The following EXOC4 variants were observed in gnomAD, a reference collection of about 807,000 sequenced individuals.
EXOC4 encodes the protein SEC8-like 1.
EXOC4 carries 71 observed loss-of-function variants against 107.2 expected under a neutral mutation model. The observed-to-expected ratio is 0.66, with a 90% CI of 0.55 to 0.81. The LOEUF (loss-of-function observed/expected upper bound fraction) is 0.81, where lower values mean the gene tolerates loss of function less well. Among genes scored for constraint, EXOC4 ranks in the 30% least tolerant of loss-of-function variants. The probability of loss-of-function intolerance (pLI) is 0.00; values close to 1 mark genes in which losing one functional copy is unlikely to be tolerated. For synonymous variants in EXOC4, 456 were observed against 441.2 expected, an observed-to-expected ratio of 1.03 and a Z score of -0.42; for missense variants, 1,108 against 1,189.6, an observed-to-expected ratio of 0.93 and a Z score of 1.01.
At chr7:134,017,161 C>T (rs1258075615) in intron 17 of EXOC4, among the ~76,000 whole-genome samples, 1 of 152,174 alleles carries the variant, frequency 6.6e-6, no homozygotes, top group Non-Finnish European at 1.5e-5. Context: ...TCTAGGGGCA[C>T]CTATCCTTTT....
At chr7:133,286,765 A>T (rs534377582) in intron 2 of EXOC4, among the ~76,000 whole-genome samples, 7 of 152,354 alleles carry the variant, frequency 4.6e-5, no homozygotes, top group Middle Eastern at 3.4e-3. Context: ...CCGAGGGTCC[A>T]TGGGGGCTTT....
chr7:133,318,685 ATATAT>A (rs1338619313), intron 5 of EXOC4, among the ~76,000 whole-genome samples: 1 of 152,192 alleles, frequency 6.6e-6, no homozygotes, highest in Non-Finnish European at 1.5e-5. Context: ...TGAGAGCTTA[ATATAT>A]TGTTGGGGCA....
intron 11 of EXOC4, among the ~76,000 whole-genome samples, chr7:133,850,746 A>G (rs1389648615): frequency 6.6e-6 from 1 of 152,088 alleles, no homozygotes; most frequent in Non-Finnish European, 1.5e-5. Flanking sequence ...CCATTCCAAA[A>G]GTCATTCCAC....
chr7:133,755,243 AAT>A (rs796906792), intron 10 of EXOC4, among the ~76,000 whole-genome samples: 141 of 91,066 alleles, frequency 1.5e-3, no homozygotes, highest in South Asian at 0.011. Context: ...TAATATATAT[AAT>A]ATATATATTA....
intron 10 of EXOC4, among the ~76,000 whole-genome samples, chr7:133,721,093 T>G (rs1795096209): frequency 6.6e-6 from 1 of 152,176 alleles, no homozygotes; most frequent in South Asian, 2.1e-4. Flanking sequence ...GAGAACTCAT[T>G]CTTCCCATCA....
intron 10 of EXOC4, among the ~76,000 whole-genome samples, chr7:133,791,839 G>T (rs1172363165): frequency 6.6e-6 from 1 of 152,138 alleles, no homozygotes; most frequent in African/African-American, 2.4e-5. Flanking sequence ...ACCTTTATGA[G>T]TGAAAATGCT....
intron 5 of EXOC4, among the ~76,000 whole-genome samples, chr7:133,354,157 A>G (rs1213010305): frequency 6.6e-6 from 1 of 150,490 alleles, no homozygotes; most frequent in Non-Finnish European, 1.5e-5. Flanking sequence ...CTGTTGATTT[A>G]TTTTTTTTCC....
intron 9 of EXOC4, among the ~76,000 whole-genome samples, chr7:133,542,250 T>G (rs1800395493): frequency 6.6e-6 from 1 of 151,468 alleles, no homozygotes; most frequent in Admixed American, 6.6e-5. Context: ...ATTTTTATGT[T>G]TAGGTTCAAC....
intron 11 of EXOC4, among the ~76,000 whole-genome samples, chr7:133,849,836 A>G (rs1798205754): frequency 6.6e-6 from 1 of 152,254 alleles, no homozygotes; most frequent in Non-Finnish European, 1.5e-5. Flanking sequence ...AATTAATACA[A>G]CTTAAAACAA....
At chr7:133,472,363 CATT>C (rs1019666207) in intron 7 of EXOC4, among the ~76,000 whole-genome samples, 1 of 152,104 alleles carries the variant, frequency 6.6e-6, no homozygotes, top group African/African-American at 2.4e-5. Context: ...GAGGAACAGT[CATT>C]AATGATCTTG....
At chr7:133,629,999 A>G (rs763498771) in intron 9 of EXOC4, 46 bp from the exon 10 acceptor site, 25 of 1,409,650 alleles carry the variant, frequency 1.8e-5, no homozygotes, top group Middle Eastern at 3.5e-4. Flanking sequence ...GTTTATTTAT[A>G]AAAGTTTCAA....
chr7:133,307,431 TC>T (rs1378616634), intron 4 of EXOC4, among the ~76,000 whole-genome samples: 1 of 152,138 alleles, frequency 6.6e-6, no homozygotes, highest in Non-Finnish European at 1.5e-5. Context: ...AGAGATTTCT[TC>T]CCATACAAGG....
chr7:134,013,773 A>G (rs1563091649), intron 17 of EXOC4, among the ~76,000 whole-genome samples: 1 of 152,208 alleles, frequency 6.6e-6, no homozygotes, highest in Non-Finnish European at 1.5e-5. Context: ...ATTCATATTA[A>G]GCATGAAAAA....
rs1357435047 is a variant in EXOC4 at position 133,356,588 on chromosome 7, AT to A, written c.1007+19del. 3.7e-6 allele frequency: 6 copies of A among 1,612,872 alleles called. No homozygotes were observed. The highest frequency in any genetic ancestry group is 5.1e-6 in the Non-Finnish European group (6 of 1,179,298). Reference sequence around the variant, plus strand: ...AACCAACCAAGGTAGGTGGGAGTGTATTTTGTATTTTTGACAACTCTATTTA... The same window carrying A: ...AACCAACCAAGGTAGGTGGGAGTGTATTTGTATTTTTGACAACTCTATTTA... On this transcript the variant is annotated intron_variant, in intron 6 of 17. Transcript: ENST00000253861.
chr7:133,296,948 A>G (rs1045311812), intron 3 of EXOC4, among the ~76,000 whole-genome samples: 7 of 152,304 alleles, frequency 4.6e-5, no homozygotes, highest in Admixed American at 1.3e-4. Context: ...TTCTCCAGGT[A>G]ATGCCAATAT....
intron 17 of EXOC4, among the ~76,000 whole-genome samples, chr7:134,034,838 G>T (rs547874999): frequency 4.6e-5 from 7 of 152,202 alleles, no homozygotes; most frequent in African/African-American, 1.7e-4. Flanking sequence ...ATATGTGATG[G>T]CGTAAATGCT....
chr7:133,514,195 C>T (rs1303982459), intron 9 of EXOC4, among the ~76,000 whole-genome samples: 6 of 151,396 alleles, frequency 4.0e-5, no homozygotes, highest in Non-Finnish European at 8.8e-5. Flanking sequence ...ACAGGAGTCT[C>T]GCTCTGTCGC....
At chr7:133,292,273 T>C (rs1794425031) in intron 3 of EXOC4, among the ~76,000 whole-genome samples, 2 of 152,168 alleles carry the variant, frequency 1.3e-5, no homozygotes, top group South Asian at 2.1e-4. Context: ...GAACCTTCAA[T>C]AGCTAATTGA....
chr7:133,499,025 T>C (rs1264236967), intron 9 of EXOC4, among the ~76,000 whole-genome samples: 1 of 152,088 alleles, frequency 6.6e-6, no homozygotes, highest in Non-Finnish European at 1.5e-5. Context: ...ACTTACCATG[T>C]GTCAATCAGT....
Sources: allele counts gnomAD v4.1 joint callset (sites outside exome capture counted in the v4.1 genomes callset), GRCh38; gene constraint gnomAD v4.1.1; transcripts MANE v1.5; gene names NCBI Gene and HGNC (gene_info 2026-07-23, HGNC 2026-07-21).